The following PISD variants were observed in gnomAD, a reference collection of about 807,000 sequenced individuals.
The protein encoded by PISD is phosphatidylserine decarboxylase.
In PISD, 31 loss-of-function variants were observed where a neutral mutation model predicts 43.5. That is an observed-to-expected ratio of 0.71 (90% CI 0.54 to 0.96). The LOEUF (loss-of-function observed/expected upper bound fraction) is 0.96. Ranked by LOEUF, PISD falls within the 40% of genes least tolerant of loss-of-function variation. PISD has a pLI of 0.00. For missense variants in PISD, 523 were observed against 548.4 expected, an observed-to-expected ratio of 0.95 and a Z score of 0.46; for synonymous variants, 259 against 228.7, an observed-to-expected ratio of 1.13 and a Z score of -1.20.
intron 7 of PISD, 140 bp downstream of exon 7, chr22:31,620,413 G>A: frequency 1.3e-6 from 1 of 782,594 alleles, no homozygotes; most frequent in East Asian, 2.7e-5. Context: ...TCTCAGGACA[G>A]CTGCTCAGCA....
chr22:31,636,730 G>T (rs779630601), intron 3 of PISD, among the ~76,000 whole-genome samples: 1 of 151,974 alleles, frequency 6.6e-6, no homozygotes, highest in Non-Finnish European at 1.5e-5. Flanking sequence ...TTTTAGTAGA[G>T]ACGGGGTTTC....
At chr22:31,620,258 CCTCA>C (rs1419360555) in intron 7 of PISD, among the ~76,000 whole-genome samples, 1 of 152,254 alleles carries the variant, frequency 6.6e-6, no homozygotes, top group East Asian at 1.9e-4. Flanking sequence ...TCTGTTCCCT[CCTCA>C]CTCTCACCTT....
At chr22:31,625,784 G>A (rs1294708661) in intron 3 of PISD, 2 of 1,597,688 alleles carry the variant, frequency 1.3e-6, no homozygotes, top group Non-Finnish European at 8.5e-7. Flanking sequence ...GCGGAGCTCT[G>A]GTCCTTGCCG....
At chr22:31,634,078 T>G (rs932411245) in intron 3 of PISD, among the ~76,000 whole-genome samples, 1 of 152,200 alleles carries the variant, frequency 6.6e-6, no homozygotes, top group African/African-American at 2.4e-5. Flanking sequence ...GCCACCTGTA[T>G]TCTCTGCCAG....
chr22:31,623,930 G>T, intron 3 of PISD: 1 of 1,342,172 alleles, frequency 7.5e-7, no homozygotes, highest in Non-Finnish European at 1.0e-6. Flanking sequence ...CTGCACCCAG[G>T]GCAGGATTCC....
Position 31,619,232 on chromosome 22 carries a change from A to G in PISD, c.*380T>C, listed in dbSNP as rs1603390208. 4 of 339,686 alleles carry G rather than the reference A, an allele frequency of 1.2e-5. No homozygotes were observed. In the East Asian group the frequency reaches 2.4e-4, roughly 21 times the overall value. 21.0% of individuals were successfully genotyped at this position (339,686 alleles called of 1,614,324 possible). ...CCAAAAAACAAAAGGGGCCAACAGA[A>G]AACAGCTCAGGTGATGGGGGGAGGA... On this transcript the variant is annotated 3_prime_UTR_variant, in exon 8 of 8. Transcript: ENST00000439502.
rs372083522 is a variant in PISD at position 31,658,213 on chromosome 22, C to G, written c.65+3931G>C. ...TGTCTCTTCTACATGCATTCTACAT[C>G]GCATCCTTCAAGTAGGCAATTAAAG... On this transcript the variant is annotated intron_variant, in intron 1 of 7. Coordinates refer to ENST00000439502, the MANE Select transcript of PISD (RefSeq NM_001326411.2). Among the ~76,000 whole-genome samples, 15 of 152,272 alleles carry G rather than the reference C, an allele frequency of 9.9e-5. No homozygotes were observed. The East Asian group carries it at 1.4e-3, about 14-fold the overall frequency.
rs953049577 is a variant in PISD at position 31,623,652 on chromosome 22, G to C, written c.322-1767C>G. ...CAACCTCAGGCCTGCCCGGAAGGGA[G>C]GTCCGAGCCACAGGGGCCTGTGCAC... is the stretch of plus-strand genomic sequence containing the variant. On this transcript the variant is annotated intron_variant, in intron 3 of 7. Coordinates refer to ENST00000439502, the MANE Select transcript of PISD (RefSeq NM_001326411.2). 3.1e-6 allele frequency: 5 copies of C among 1,592,504 alleles called. No homozygotes were observed. In the African/African-American group the frequency reaches 6.7e-5, roughly 21 times the overall value.
rs962232571 is a variant in PISD, at chr22:31,619,399, G to A, written c.*213C>T. The stretch of plus-strand genomic sequence containing the variant: ...CTTTTTATTTGTAGGCAGAAGGAAC[G>A]GGATAGGTTGAGGGGCATGATGGGG... On this transcript the variant is annotated 3_prime_UTR_variant, in exon 8 of 8. Transcript: ENST00000439502. The A allele has an allele frequency of 2.9e-5, 19 of 653,120 alleles. No homozygotes were observed. In the African/African-American group the frequency reaches 3.2e-4, roughly 11 times the overall value. 40.5% of individuals were successfully genotyped at this position (653,120 alleles called of 1,614,324 possible).
At chr22:31,648,480 A>G (rs2073942873) in intron 2 of PISD, among the ~76,000 whole-genome samples, 1 of 152,028 alleles carries the variant, frequency 6.6e-6, no homozygotes, top group Non-Finnish European at 1.5e-5. Context: ...GATCGAGACC[A>G]CGGTGAAACC....
At chr22:31,655,051 G>C (rs2074127290) in intron 1 of PISD, among the ~76,000 whole-genome samples, 1 of 146,754 alleles carries the variant, frequency 6.8e-6, no homozygotes, top group Admixed American at 7.0e-5. Flanking sequence ...ACTCCAGCCT[G>C]GGTAACAGAG....
intron 2 of PISD, among the ~76,000 whole-genome samples, 151 bp downstream of exon 2, chr22:31,650,544 AAAAG>A (rs1182513712): frequency 1.3e-5 from 2 of 151,902 alleles, no homozygotes; most frequent in Non-Finnish European, 2.9e-5. Flanking sequence ...AAAAAAAAGA[AAAAG>A]AAAACCTAAC....
In PISD at chr22:31,621,201, C is replaced by T. The variant is rs886318908; in HGVS notation, c.698-59G>A. ...CACAGTGAGCACCCAGCACGGAGCC[C>T]GAGTGTGGTCTGCACATGGATTCTC... On this transcript the variant is annotated intron_variant, in intron 5 of 7. Coordinates refer to ENST00000439502, the MANE Select transcript of PISD (RefSeq NM_001326411.2). The T allele has an allele frequency of 8.1e-5, 130 of 1,612,636 alleles. 2 individuals are homozygous for T. The South Asian group carries it at 9.9e-4, about 12-fold the overall frequency.
chr22:31,647,951 A>T, intron 3 of PISD, 150 bp downstream of exon 3: 1 of 659,596 alleles, frequency 1.5e-6, no homozygotes, highest in Non-Finnish European at 2.5e-6. Context: ...CCAAAGTTAT[A>T]ACTCCTGTAT....
chr22:31,644,753 CA>C (rs1384612889), intron 3 of PISD, among the ~76,000 whole-genome samples: 1 of 152,170 alleles, frequency 6.6e-6, no homozygotes, highest in African/African-American at 2.4e-5. Flanking sequence ...CATCCAAAAT[CA>C]GAGACTTTTT....
intron 2 of PISD, among the ~76,000 whole-genome samples, 197 bp from the exon 3 acceptor site, chr22:31,648,473 C>G (rs1037128357): frequency 6.6e-6 from 1 of 151,830 alleles, no homozygotes; most frequent in Admixed American, 6.6e-5. Flanking sequence ...GTCAGGAGAT[C>G]GAGACCACGG....
chr22:31,622,164 G>A lies in PISD; in HGVS notation c.322-279C>T, dbSNP rs530174748. Among the ~76,000 whole-genome samples, 7 of 152,366 alleles carry A rather than the reference G, an allele frequency of 4.6e-5. No individual in the cohort carries two copies. In the South Asian group the frequency reaches 1.2e-3, roughly 27 times the overall value. The stretch of plus-strand genomic sequence containing the variant: ...CAACTGCTCCAGTCCCAGAACGGGA[G>A]ACGCCCAGCAGTCTTACTTCTTAAA... On this transcript the variant is annotated intron_variant, in intron 3 of 7. Coordinates refer to ENST00000439502, the MANE Select transcript of PISD (RefSeq NM_001326411.2).
chr22:31,630,821 T>TTCCGGGC lies in PISD; in HGVS notation c.322-8943_322-8937dup. On this transcript the variant is annotated intron_variant, in intron 3 of 7. Transcript: ENST00000439502. The surrounding 1 kb of genome is among the most constrained non-coding windows in gnomAD (Gnocchi z 4.4). ...TCACTCACCCGCAGGTGGCTCCAGC[T>TTCCGGGC]TCCGGGCTCCGACTCCCTAGGGGCG... The TTCCGGGC allele has an allele frequency of 1.0e-6, 1 of 985,496 alleles. No homozygotes were observed. The highest frequency in any genetic ancestry group is 5.2e-4 in the Middle Eastern group (1 of 1,914). 61.0% of individuals were successfully genotyped at this position (985,496 alleles called of 1,614,324 possible).
intron 3 of PISD, chr22:31,627,921 GCC>G: frequency 1.6e-6 from 1 of 629,746 alleles, no homozygotes; most frequent in Non-Finnish European, 2.0e-6. Flanking sequence ...GAGGCCAGGG[GCC>G]AGGTCAGATG....
Sources: gnomAD v4.1 joint callset for allele counts (sites outside exome capture counted in the v4.1 genomes callset) on GRCh38, gnomAD v4.1.1 for gene constraint, Gnocchi (gnomAD v3.1) non-coding constraint, MANE v1.5 for transcripts, NCBI Gene and HGNC (gene_info 2026-07-23, HGNC 2026-07-21) for gene names.